The following TP73 variants were observed in gnomAD, a reference collection of about 807,000 sequenced individuals.
The protein encoded by TP73 is p53-like transcription factor.
TP73 carries 25 observed loss-of-function variants against 62.5 expected under a neutral mutation model. That is an observed-to-expected ratio of 0.40 (90% CI 0.29 to 0.56). The LOEUF is 0.56. Ranked by LOEUF, TP73 falls within the 20% of genes least tolerant of loss-of-function variation. The pLI, the probability that TP73 is intolerant of heterozygous loss-of-function variation, is 0.46. For missense variants in TP73, 754 were observed against 913.3 expected, an observed-to-expected ratio of 0.83 and a Z score of 2.25; for synonymous variants, 423 against 377.5, an observed-to-expected ratio of 1.12 and a Z score of -1.40.
At chr1:3,654,064 C>T (rs887484364) in intron 1 of TP73, among the ~76,000 whole-genome samples, 4 of 152,256 alleles carry the variant, frequency 2.6e-5, no homozygotes, top group African/African-American at 9.6e-5. Context: ...CTCCCAGCTA[C>T]TCGGGAGGCT....
At chr1:3,665,860 C>T (rs1240637904) in intron 1 of TP73, among the ~76,000 whole-genome samples, 1 of 135,180 alleles carries the variant, frequency 7.4e-6, no homozygotes, top group Non-Finnish European at 1.5e-5. Context: ...AATCACCAGG[C>T]AAGGTGGCTC....
At chr1:3,693,002 C>T (rs1398094641) in intron 3 of TP73, among the ~76,000 whole-genome samples, 1 of 152,174 alleles carries the variant, frequency 6.6e-6, no homozygotes, top group East Asian at 1.9e-4. Context: ...GTGGTTCGTT[C>T]GTTCATTTGT....
At chr1:3,702,674 G>A (rs1298969021) in intron 3 of TP73, among the ~76,000 whole-genome samples, 1 of 152,240 alleles carries the variant, frequency 6.6e-6, no homozygotes, top group Non-Finnish European at 1.5e-5. Context: ...CGGCCTGGAG[G>A]CTGGCGGGAA....
At chr1:3,657,633 T>C (rs953290115) in intron 1 of TP73, among the ~76,000 whole-genome samples, 2 of 152,196 alleles carry the variant, frequency 1.3e-5, no homozygotes, top group East Asian at 3.8e-4. Flanking sequence ...GCGTCTGAGA[T>C]TCCCCAGGCT....
At chr1:3,718,422 G>A (rs1382854366) in intron 4 of TP73, among the ~76,000 whole-genome samples, 2 of 152,222 alleles carry the variant, frequency 1.3e-5, no homozygotes, top group African/African-American at 4.8e-5. Context: ...GAGGGAGTGG[G>A]GCGGGCTCAG....
In TP73 at chr1:3,729,308, T is replaced by G. The variant is rs2124531365; in HGVS notation, c.1075-19T>G. On this transcript the variant is annotated intron_variant, in intron 9 of 13. Transcript: ENST00000378295. ...GGGGTCTGGGGCACGTGGGCAGAGATCTGCTCCTCTGTGCTCAGGTGCGAG... is the reference window on the plus strand; with the variant it reads ...GGGGTCTGGGGCACGTGGGCAGAGAGCTGCTCCTCTGTGCTCAGGTGCGAG... 2.5e-6 allele frequency: 4 copies of G among 1,612,744 alleles called. No individual in the cohort carries two copies. The highest frequency in any genetic ancestry group is 3.4e-6 in the Non-Finnish European group (4 of 1,179,890).
intron 1 of TP73, among the ~76,000 whole-genome samples, chr1:3,680,632 C>T (rs920587144): frequency 7.9e-5 from 12 of 152,256 alleles, no homozygotes; most frequent in Non-Finnish European, 1.3e-4. Flanking sequence ...CTACCCTACT[C>T]ATACTGCTCA....
At chr1:3,724,524 G>T (rs1641348506) in intron 6 of TP73, among the ~76,000 whole-genome samples, 2 of 152,188 alleles carry the variant, frequency 1.3e-5, no homozygotes, top group South Asian at 2.1e-4. Flanking sequence ...GCCCGGGAGG[G>T]CTCCCTGAAA....
At chr1:3,720,081 C>T (rs1570595807) in intron 4 of TP73, among the ~76,000 whole-genome samples, 1 of 152,286 alleles carries the variant, frequency 6.6e-6, no homozygotes, top group East Asian at 1.9e-4. Flanking sequence ...CGCCACCTTG[C>T]CTGGCTAATA....
intron 1 of TP73, among the ~76,000 whole-genome samples, chr1:3,667,749 CAAA>C (rs543070938): frequency 4.7e-5 from 4 of 85,432 alleles, no homozygotes; most frequent in African/African-American, 3.4e-5. Flanking sequence ...GATTCTGTCT[CAAA>C]AAAAAAAAAA....
At chr1:3,695,643 C>A (rs1638578799) in intron 3 of TP73, among the ~76,000 whole-genome samples, 1 of 152,264 alleles carries the variant, frequency 6.6e-6, no homozygotes, top group Non-Finnish European at 1.5e-5. Flanking sequence ...GCAGGATGGG[C>A]CTCCAGGACA....
At position 3,734,015 on chromosome 1, in the gene TP73, A is replaced by T. The variant is rs1012159326; in HGVS notation, c.*936A>T. On this transcript the variant is annotated 3_prime_UTR_variant, in exon 14 of 14. Coordinates refer to ENST00000378295, the MANE Select transcript of TP73 (RefSeq NM_005427.4). This position sits in a 1 kb window ranked among gnomAD's most constrained non-coding sequence, Gnocchi z 4.4. ...GGCTGAGGAAGCTGAGTGAGAAGCC[A>T]GGTGGGCGGGACTTGTTCCCAGGAA... 5 of 150,586 alleles carry T rather than the reference A, an allele frequency of 3.3e-5. No homozygotes were observed. The highest frequency in any genetic ancestry group is 5.9e-5 in the Non-Finnish European group (4 of 67,806). 9.3% of individuals were successfully genotyped at this position (150,586 alleles called of 1,614,324 possible). A position where few individuals can be genotyped will look rare whatever the true frequency, so the allele number is the denominator to read the frequency against.
At chr1:3,667,160 T>C (rs1049782015) in intron 1 of TP73, among the ~76,000 whole-genome samples, 4 of 152,086 alleles carry the variant, frequency 2.6e-5, no homozygotes, top group Admixed American at 2.6e-4. Flanking sequence ...AGGTAGGGAT[T>C]GTCCCAGGGC....
chr1:3,709,016 G>A (rs1639911165), intron 4 of TP73, among the ~76,000 whole-genome samples: 2 of 152,242 alleles, frequency 1.3e-5, no homozygotes, highest in East Asian at 1.9e-4. Context: ...CCACTGCCCT[G>A]CTGGCCATAG....
At position 3,701,098 on chromosome 1, in the gene TP73, G is replaced by A. The variant is rs947944132; in HGVS notation, c.187-6451G>A. Among the ~76,000 whole-genome samples the A allele has an allele frequency of 6.6e-6, 1 of 152,206 alleles. No homozygotes were observed. Among genetic ancestry groups the A allele is most frequent in the Non-Finnish European group, 1.5e-5 (1 of 68,042 alleles). On this transcript the variant is annotated intron_variant, in intron 3 of 13. Transcript: ENST00000378295. This position sits in a 1 kb window ranked among gnomAD's most constrained non-coding sequence, Gnocchi z 4.7. ...CACTTCCCCCAGTTGGATGGCCCGC[G>A]TGGATTTCAGGGTCTGTTTCATCCA...
At chr1:3,717,606 G>A (rs1029457045) in intron 4 of TP73, among the ~76,000 whole-genome samples, 3 of 152,158 alleles carry the variant, frequency 2.0e-5, no homozygotes, top group African/African-American at 4.8e-5. Context: ...AGGCTCCACC[G>A]GAGTCCTCCT....
rs753600448 is a variant in TP73 at position 3,683,150 on chromosome 1, C to T, written c.156C>T (p.Phe52=). Residue 52 remains phenylalanine (F), a synonymous_variant, in exon 3 of 14, where the codon TTC becomes TTT. Coordinates refer to ENST00000378295, the MANE Select transcript of TP73 (RefSeq NM_005427.4). ...GAACGGATTCCAGCATGGACGTCTT[C>T]CACCTGGAGGGCATGACTACATCTG... The part of the protein sequence containing the change: ...VGGTDSSMDV[F]HLEGMTTSVM... 4 of 1,612,278 alleles carry T rather than the reference C, an allele frequency of 2.5e-6. No individual in the cohort carries two copies. In the East Asian group the frequency reaches 8.9e-5, roughly 36 times the overall value.
intron 1 of TP73, 68 bp from the exon 2 acceptor site, chr1:3,682,265 G>A (rs1343094335): frequency 3.4e-5 from 42 of 1,226,590 alleles, no homozygotes; most frequent in African/African-American, 7.8e-5. Flanking sequence ...CGCCCCCACC[G>A]AGGCTGTCAC....
chr1:3,694,876 TCC>T (rs1638476989), intron 3 of TP73, among the ~76,000 whole-genome samples: 1 of 45,580 alleles, frequency 2.2e-5, no homozygotes, highest in South Asian at 9.4e-4. Context: ...CCTCAGCCCC[TCC>T]TCCTGCAATC....
Sources: allele counts gnomAD v4.1 joint callset (sites outside exome capture counted in the v4.1 genomes callset), GRCh38; gene constraint gnomAD v4.1.1; non-coding constraint Gnocchi (gnomAD v3.1); transcripts MANE v1.5; gene names NCBI Gene and HGNC (gene_info 2026-07-23, HGNC 2026-07-21).